The following ABCB1 variants were observed in gnomAD, a reference collection of about 807,000 sequenced individuals.
ABCB1 encodes ATP-dependent translocase ABCB1.
Under a neutral mutation model 142.0 loss-of-function variants are expected in ABCB1, and 69 were observed. The ratio of observed to expected loss-of-function variants is 0.49; its 90% CI spans 0.40 to 0.59. ABCB1 has a LOEUF of 0.59. Among genes scored for constraint, ABCB1 ranks in the 20% least tolerant of loss-of-function variants. ABCB1 has a pLI of 0.00. For synonymous variants in ABCB1, 532 were observed against 539.2 expected (o/e 0.99, Z 0.18); for missense variants, 1,326 against 1,554.7 (o/e 0.85, Z 2.47).
intron 1 of ABCB1, among the ~76,000 whole-genome samples, chr7:87,608,401 T>C (rs1819735748): frequency 1.3e-5 from 2 of 152,232 alleles, no homozygotes; most frequent in African/African-American, 4.8e-5. Context: ...AAAAATGAAA[T>C]CTGGCTATAA....
At chr7:87,617,031 AAG>A (rs1166034032) in intron 1 of ABCB1, among the ~76,000 whole-genome samples, 5 of 152,208 alleles carry the variant, frequency 3.3e-5, no homozygotes, top group African/African-American at 4.8e-5. Flanking sequence ...AGTGGGATAC[AAG>A]TTGATTTGGG....
intron 9 of ABCB1, among the ~76,000 whole-genome samples, chr7:87,552,015 CT>C (rs1393239541): frequency 1.3e-5 from 2 of 152,184 alleles, no homozygotes; most frequent in African/African-American, 4.8e-5. Context: ...AAGATTCTAT[CT>C]GTTCTCCCTA....
chr7:87,537,794 T>C (rs1308141760), intron 19 of ABCB1, among the ~76,000 whole-genome samples: 5 of 152,226 alleles, frequency 3.3e-5, no homozygotes, highest in Non-Finnish European at 7.3e-5. Context: ...ACCATTTATA[T>C]TTTTAAATAC....
chr7:87,509,825 C>T (rs1814926344), intron 25 of ABCB1, among the ~76,000 whole-genome samples: 1 of 152,124 alleles, frequency 6.6e-6, no homozygotes, highest in Non-Finnish European at 1.5e-5. Flanking sequence ...TGTAAGGTTG[C>T]TAATCAGCTG....
At position 87,553,212 on chromosome 7, in the gene ABCB1, G is replaced by A. The variant is rs563871421; in HGVS notation, c.999+549C>T. Reference sequence around the variant, plus strand: ...AGTTCATGCTATTGAGATTGCTAACGTTAATATTATTTAGGCTACAGGATA... The same window carrying A: ...AGTTCATGCTATTGAGATTGCTAACATTAATATTATTTAGGCTACAGGATA... On this transcript the variant is annotated intron_variant, in intron 9 of 27. Coordinates refer to ENST00000622132, the MANE Select transcript of ABCB1 (RefSeq NM_001348946.2). Among the ~76,000 whole-genome samples the A allele has an allele frequency of 4.0e-5, 6 of 151,824 alleles. No homozygotes were observed. In the East Asian group the frequency reaches 7.7e-4, roughly 20 times the overall value.
At chr7:87,628,936 C>T (rs1335704187) in intron 1 of ABCB1, 1 of 1,310,118 alleles carries the variant, frequency 7.6e-7, no homozygotes, top group Non-Finnish European at 9.8e-7. Context: ...AACCTGATCA[C>T]CGTGTGCAGG....
At chr7:87,513,163 C>T (rs751335934) in intron 25 of ABCB1, among the ~76,000 whole-genome samples, 1 of 152,122 alleles carries the variant, frequency 6.6e-6, no homozygotes, top group Non-Finnish European at 1.5e-5. Context: ...GCTGTGATAT[C>T]GGCATAATTT....
intron 4 of ABCB1, among the ~76,000 whole-genome samples, chr7:87,571,753 C>T (rs116875582): frequency 0.019 from 2,903 of 152,228 alleles, 22 homozygotes; most frequent in Non-Finnish European, 0.03. Flanking sequence ...TTGAAGATGT[C>T]CAATAAGTAT....
At chr7:87,635,150 T>C (rs1364973800) in intron 1 of ABCB1, among the ~76,000 whole-genome samples, 3 of 152,196 alleles carry the variant, frequency 2.0e-5, no homozygotes, top group South Asian at 2.1e-4. Context: ...CACTCTTCTA[T>C]TCCCTCTTAC....
At chr7:87,626,353 ATGTGTCATATATATG>A (rs1820533824) in intron 1 of ABCB1, among the ~76,000 whole-genome samples, 1 of 31,542 alleles carries the variant, frequency 3.2e-5, no homozygotes, top group Non-Finnish European at 4.7e-5. Context: ...TGTCATATAT[ATGTGTCATATATATG>A]TGTCATATGT....
intron 1 of ABCB1, among the ~76,000 whole-genome samples, chr7:87,612,882 C>T (rs1436160267): frequency 6.6e-6 from 1 of 151,952 alleles, no homozygotes; most frequent in Non-Finnish European, 1.5e-5. Context: ...ATTGATTTTT[C>T]TAATCTGTGA....
rs200422791 is a variant in ABCB1, at chr7:87,536,438, A to T, written c.2481+20T>A. ...AAAATGGCCAATTAAGACAAACACC[A>T]GTAGAAAGGAGGCACGTACCCCTTT... On this transcript the variant is annotated intron_variant, in intron 20 of 27. Coordinates refer to ENST00000622132, the MANE Select transcript of ABCB1 (RefSeq NM_001348946.2). 3.1e-6 allele frequency: 5 copies of T among 1,613,352 alleles called. No homozygotes were observed. The highest frequency in any genetic ancestry group is 1.7e-4 in the Middle Eastern group (1 of 6,058).
chr7:87,541,417 G>A lies in ABCB1; in HGVS notation c.2259C>T (p.Asn753=), dbSNP rs1212810740. 3.7e-6 allele frequency: 6 copies of A among 1,609,476 alleles called. No homozygotes were observed. In the East Asian group the frequency reaches 1.3e-4, roughly 36 times the overall value. ...GGGCTAGAAACAATAGTGAAAACAA[G>A]TTACTATTCTGTCGTTTTGTTTCAG... is the stretch of plus-strand genomic sequence containing the variant. ...DDPETKRQNS[N]LFSLLFLALG... Residue 753 remains asparagine, a synonymous_variant, in exon 18 of 28, where the codon AAC becomes AAT. Transcript: ENST00000622132.
At chr7:87,543,018 G>T (rs1051645301) in intron 17 of ABCB1, among the ~76,000 whole-genome samples, 1 of 152,164 alleles carries the variant, frequency 6.6e-6, no homozygotes, top group African/African-American at 2.4e-5. Flanking sequence ...GCACAGAGCA[G>T]ACACAAAAAA....
At chr7:87,580,165 T>G (rs995143681) in intron 4 of ABCB1, among the ~76,000 whole-genome samples, 1 of 152,208 alleles carries the variant, frequency 6.6e-6, no homozygotes, top group Non-Finnish European at 1.5e-5. Context: ...AGATGATTTC[T>G]TATTGTTCAT....
chr7:87,650,957 A>G (rs1266671640), intron 1 of ABCB1: 5 of 1,375,864 alleles, frequency 3.6e-6, no homozygotes, highest in African/African-American at 1.4e-5. Flanking sequence ...CTAATGTACT[A>G]TTTATTTTCC....
chr7:87,674,782 A>G (rs1412880706), intron 1 of ABCB1, among the ~76,000 whole-genome samples: 3 of 152,076 alleles, frequency 2.0e-5, no homozygotes, highest in Non-Finnish European at 2.9e-5. Context: ...CTGGAGCCCA[A>G]GGAGAGGCTA....
chr7:87,655,873 T>C (rs192296119), intron 1 of ABCB1, among the ~76,000 whole-genome samples: 1 of 152,212 alleles, frequency 6.6e-6, no homozygotes, highest in East Asian at 1.9e-4. Flanking sequence ...AGTGGATTAA[T>C]ACCTCTATAA....
In ABCB1 at chr7:87,515,770, T is replaced by A. The variant is rs558711303; in HGVS notation, c.3085-342A>T. On this transcript the variant is annotated intron_variant, in intron 24 of 27. Transcript: ENST00000622132. ...CACACCCAGCTAATCTTTTTTTTTT[T>A]ATTTTTATTTGAGATGGAGTTTCAC... Among the ~76,000 whole-genome samples, 268 of 151,816 alleles carry A rather than the reference T, an allele frequency of 1.8e-3. 1 individual carries two copies. The highest frequency in any genetic ancestry group is 6.3e-3 in the African/African-American group (260 of 41,452).
Sources: gnomAD v4.1 joint callset for allele counts (sites outside exome capture counted in the v4.1 genomes callset) on GRCh38, gnomAD v4.1.1 for gene constraint, MANE v1.5 for transcripts, NCBI Gene and HGNC (gene_info 2026-07-23, HGNC 2026-07-21) for gene names.